The following RFTN2 variants were observed in gnomAD, a reference collection of about 807,000 sequenced individuals.
The protein encoded by RFTN2 is raftlin family member 2, also known as raftlin-2.
Under a neutral mutation model 52.7 loss-of-function variants are expected in RFTN2, and 34 were observed. The ratio of observed to expected loss-of-function variants is 0.64; its 90% CI spans 0.49 to 0.86. RFTN2 has a LOEUF of 0.86. Among genes scored for constraint, RFTN2 ranks in the 40% least tolerant of loss-of-function variants. The pLI is 0.00. For synonymous variants in RFTN2, 203 were observed against 217.7 expected (o/e 0.93, Z 0.59); for missense variants, 536 against 600.1 (o/e 0.89, Z 1.12).
At chr2:197,654,513 C>T (rs1490261611) in intron 1 of RFTN2, among the ~76,000 whole-genome samples, 3 of 152,164 alleles carry the variant, frequency 2.0e-5, no homozygotes, top group Admixed American at 6.6e-5. Context: ...AGGGCATACT[C>T]TTCTGTTTAA....
chr2:197,626,342 G>T (rs1168412669), intron 5 of RFTN2, among the ~76,000 whole-genome samples: 1 of 152,012 alleles, frequency 6.6e-6, no homozygotes, highest in African/African-American at 2.4e-5. Flanking sequence ...AAAGCTGGAG[G>T]ATCACTTGAA....
chr2:197,640,527 C>T (rs1019667251), intron 3 of RFTN2, among the ~76,000 whole-genome samples: 1 of 152,070 alleles, frequency 6.6e-6, no homozygotes, highest in African/African-American at 2.4e-5. Context: ...CTTTCTTTGA[C>T]TCGGAAAGGG....
At chr2:197,574,740 C>A (rs1033682203) in intron 8 of RFTN2, among the ~76,000 whole-genome samples, 2 of 152,050 alleles carry the variant, frequency 1.3e-5, no homozygotes, top group Admixed American at 6.6e-5. Flanking sequence ...TGGTGGCACA[C>A]GCCTGTAATC....
At chr2:197,667,861 T>A (rs1487783268) in intron 1 of RFTN2, among the ~76,000 whole-genome samples, 1 of 152,098 alleles carries the variant, frequency 6.6e-6, no homozygotes, top group African/African-American at 2.4e-5. Flanking sequence ...TGGGACCCAG[T>A]GAGGCACATG....
rs532261725 is a variant in RFTN2 at position 197,651,017 on chromosome 2, T to G, written c.140-4351A>C. 3.9e-5 allele frequency among the ~76,000 whole-genome samples: 6 copies of G among 152,354 alleles called. No individual in the cohort carries two copies. In the South Asian group the frequency reaches 1.2e-3, roughly 32 times the overall value. On this transcript the variant is annotated intron_variant, in intron 1 of 8. Transcript: ENST00000295049. ...TAACTTATTGTGGTTTTGATTTGTA[T>G]TCCCCTAATTATTAGTGATATTGAG...
chr2:197,614,185 T>A (rs1470238501), intron 7 of RFTN2, among the ~76,000 whole-genome samples: 1 of 152,218 alleles, frequency 6.6e-6, no homozygotes, highest in East Asian at 1.9e-4. Context: ...GCTCACAAGA[T>A]CCTTCAGGGC....
intron 1 of RFTN2, among the ~76,000 whole-genome samples, chr2:197,667,919 A>G (rs534053348): frequency 1.3e-5 from 2 of 152,160 alleles, no homozygotes; most frequent in East Asian, 1.9e-4. Flanking sequence ...TTGGACTTCT[A>G]GGTAACTTAG....
Position 197,571,884 on chromosome 2 carries a change from G to A in RFTN2, c.*124C>T, listed in dbSNP as rs980294800. The A allele has an allele frequency of 1.4e-5, 13 of 928,004 alleles. No homozygotes were observed. The African/African-American group carries it at 1.8e-4, about 13-fold the overall frequency. 57.5% of individuals were successfully genotyped at this position (928,004 alleles called of 1,614,324 possible). A position where few individuals can be genotyped will look rare whatever the true frequency, so the allele number is the denominator to read the frequency against. ...TGTGCCAAAGTTTACATAGATTAGA[G>A]GAAAGGCTGGGTCTGGAAAAATTCA... On this transcript the variant is annotated 3_prime_UTR_variant, in exon 9 of 9. Transcript: ENST00000295049.
In RFTN2 at chr2:197,569,496, G is replaced by A. The variant is rs917668711; in HGVS notation, c.*2512C>T. The A allele has an allele frequency of 1.3e-5, 2 of 152,190 alleles. No individual in the cohort carries two copies. Among genetic ancestry groups the A allele is most frequent in the African/African-American group, 4.8e-5 (2 of 41,520 alleles). The allele number at this position is 152,190 out of a possible 1,614,324, so 9.4% of individuals were successfully genotyped here. The stretch of plus-strand genomic sequence containing the variant: ...ACATAACTTAAGGGTAATTGTTGGA[G>A]CAAATGCTTCTAAAACAAGTTTTGA... On this transcript the variant is annotated 3_prime_UTR_variant, in exon 9 of 9. Coordinates refer to ENST00000295049, the MANE Select transcript of RFTN2 (RefSeq NM_144629.3).
At chr2:197,589,394 T>C (rs1348760661) in intron 8 of RFTN2, among the ~76,000 whole-genome samples, 1 of 152,148 alleles carries the variant, frequency 6.6e-6, no homozygotes, top group Non-Finnish European at 1.5e-5. Flanking sequence ...CTCTTTCTTT[T>C]GTAAATTACC....
chr2:197,600,423 G>A (rs2087862302), intron 7 of RFTN2, among the ~76,000 whole-genome samples: 1 of 152,094 alleles, frequency 6.6e-6, no homozygotes, highest in African/African-American at 2.4e-5. Context: ...GTTTTCTGAG[G>A]GCCATTTTGA....
At chr2:197,613,739 T>G (rs2088099965) in intron 7 of RFTN2, among the ~76,000 whole-genome samples, 1 of 152,238 alleles carries the variant, frequency 6.6e-6, no homozygotes, top group Admixed American at 6.5e-5. Context: ...TTTCCTGTGT[T>G]GCAGGCACTT....
rs1434701810 is a variant in RFTN2, at chr2:197,569,302, C to T, written c.*2706G>A. On this transcript the variant is annotated 3_prime_UTR_variant, in exon 9 of 9. Transcript: ENST00000295049. The stretch of plus-strand genomic sequence containing the variant: ...GGAAATCATAGTGTTATAAAAAGAA[C>T]TGAATATACAACTGGCAGATAATAA... 1.3e-5 allele frequency: 2 copies of T among 152,116 alleles called. No homozygotes were observed. The highest frequency in any genetic ancestry group is 4.8e-5 in the African/African-American group (2 of 41,420). 9.4% of individuals were successfully genotyped at this position (152,116 alleles called of 1,614,324 possible). A position where few individuals can be genotyped will look rare whatever the true frequency, so the allele number is the denominator to read the frequency against.
chr2:197,656,779 T>G (rs560736804), intron 1 of RFTN2, among the ~76,000 whole-genome samples: 1 of 152,218 alleles, frequency 6.6e-6, no homozygotes, highest in Non-Finnish European at 1.5e-5. Context: ...TAACTGAGAC[T>G]TAGATCAAGA....
chr2:197,658,398 G>T (rs1172928575), intron 1 of RFTN2, among the ~76,000 whole-genome samples: 2 of 151,672 alleles, frequency 1.3e-5, no homozygotes, highest in Non-Finnish European at 2.9e-5. Context: ...AGCCTCCTGA[G>T]TAGCTGGGAC....
chr2:197,621,356 AC>A (rs1347006066), intron 5 of RFTN2, among the ~76,000 whole-genome samples: 1 of 144,086 alleles, frequency 6.9e-6, no homozygotes, highest in Non-Finnish European at 1.5e-5. Context: ...GCACAGTCCC[AC>A]CTTGCTTTAT....
intron 8 of RFTN2, among the ~76,000 whole-genome samples, chr2:197,572,695 C>T (rs1452541621): frequency 6.6e-6 from 1 of 152,180 alleles, no homozygotes; most frequent in Non-Finnish European, 1.5e-5. Flanking sequence ...CCACCTTACA[C>T]CCATGTCATG....
intron 1 of RFTN2, among the ~76,000 whole-genome samples, chr2:197,670,948 C>T (rs1160698560): frequency 6.6e-6 from 1 of 152,150 alleles, no homozygotes; most frequent in Non-Finnish European, 1.5e-5. Flanking sequence ...GGCTAAGTTC[C>T]TCCTTTGTAA....
At chr2:197,575,942 CACA>C (rs1443987115) in intron 8 of RFTN2, among the ~76,000 whole-genome samples, 4 of 134,572 alleles carry the variant, frequency 3.0e-5, no homozygotes, top group Non-Finnish European at 6.5e-5. Context: ...AAAGGGAAAG[CACA>C]ACAAGGAGAA....
Sources: allele counts gnomAD v4.1 joint callset (sites outside exome capture counted in the v4.1 genomes callset), GRCh38; gene constraint gnomAD v4.1.1; transcripts MANE v1.5; gene names NCBI Gene and HGNC (gene_info 2026-07-23, HGNC 2026-07-21).